Variants in TENM4 observed in about 807,000 individuals in gnomAD.
TENM4 encodes the protein teneurin transmembrane protein 4.
A neutral mutation model predicts 243.3 loss-of-function variants in TENM4; 82 were observed. That is an observed-to-expected ratio of 0.34 (90% confidence interval 0.28 to 0.40). TENM4 has a LOEUF of 0.40. Ranked by LOEUF, TENM4 falls within the 10% of genes least tolerant of loss-of-function variation. The pLI is 1.00. For synonymous variants in TENM4, 1,412 were observed against 1,456.3 expected (o/e 0.97, Z 0.69); for missense variants, 3,138 against 3,673.3 (o/e 0.85, Z 3.77).
At chr11:79,404,619 T>G (rs960905172) in intron 1 of TENM4, among the ~76,000 whole-genome samples, 2 of 152,206 alleles carry the variant, frequency 1.3e-5, no homozygotes, top group African/African-American at 4.8e-5. Flanking sequence ...TTCTGTGAAT[T>G]TTACCTCATT....
chr11:79,172,979 C>T (rs889715653), intron 3 of TENM4, among the ~76,000 whole-genome samples: 4 of 152,142 alleles, frequency 2.6e-5, no homozygotes, highest in African/African-American at 9.7e-5. Flanking sequence ...TCTTATAATC[C>T]ATTATTCAAG....
intron 2 of TENM4, among the ~76,000 whole-genome samples, chr11:79,250,530 C>T (rs1855592127): frequency 6.6e-6 from 1 of 152,236 alleles, no homozygotes; most frequent in African/African-American, 2.4e-5. Context: ...GCCAACCCCA[C>T]TGTTCTATGC....
At chr11:78,961,465 C>T (rs2136532351) in intron 6 of TENM4, among the ~76,000 whole-genome samples, 1 of 152,306 alleles carries the variant, frequency 6.6e-6, no homozygotes, top group Non-Finnish European at 1.5e-5. Flanking sequence ...CCATACCCCA[C>T]CTCCCACCTT....
rs60886884 is a variant in TENM4 at position 79,321,640 on chromosome 11, CAAAAAAAAAAAAA to C, written c.-320-24110_-320-24098del. ...ACTTTCTGCACAAGCAGGAAATTAC[CAAAAAAAAAAAAA>C]AAAAAAAAAAAGGGAGAGAGAACTT... On this transcript the variant is annotated intron_variant, in intron 1 of 33. Transcript: ENST00000278550. Among the ~76,000 whole-genome samples the C allele has an allele frequency of 6.1e-5, 5 of 82,216 alleles. No individual in the cohort carries two copies. The East Asian group carries it at 1.2e-3, about 20-fold the overall frequency. The allele number at this position is 82,216 out of a possible 152,430, so 53.9% of individuals were successfully genotyped here. A position where few individuals can be genotyped will look rare whatever the true frequency, so the allele number is the denominator to read the frequency against.
chr11:78,727,166 G>A (rs973258961), intron 22 of TENM4, among the ~76,000 whole-genome samples: 3 of 152,090 alleles, frequency 2.0e-5, no homozygotes, highest in South Asian at 2.1e-4. Context: ...AAGAAATTAC[G>A]GGTTGGGCGC....
At chr11:78,695,703 T>C (rs549216842) in intron 28 of TENM4, among the ~76,000 whole-genome samples, 1 of 152,086 alleles carries the variant, frequency 6.6e-6, no homozygotes, top group South Asian at 2.1e-4. Context: ...AGCACTTCTG[T>C]CTTCTGGCTT....
chr11:78,854,216 G>T lies in TENM4; in HGVS notation c.1569C>A (p.Pro523=), dbSNP rs1455694624. The change falls in exon 12 of 34, where the codon CCC becomes CCA. Residue 523 remains proline, a synonymous_variant. Transcript: ENST00000278550. The part of the protein sequence containing the change: ...TPRQSRGTVP[P]SSHETGFIQY... ...GGATGAAGCCTGTCTCATGGCTGGA[G>T]GGGGGCACAGTTCCCCGAGACTGGC... 2 of 1,551,572 alleles carry T rather than the reference G, an allele frequency of 1.3e-6. No individual in the cohort carries two copies. Among genetic ancestry groups the T allele is most frequent in the Admixed American group, 3.9e-5 (2 of 50,994 alleles).
At chr11:79,127,108 A>G (rs1861895752) in intron 4 of TENM4, among the ~76,000 whole-genome samples, 1 of 152,236 alleles carries the variant, frequency 6.6e-6, no homozygotes, top group African/African-American at 2.4e-5. Flanking sequence ...CATAATTGGC[A>G]TAGACAAACT....
chr11:79,360,855 A>G (rs1460070338), intron 1 of TENM4, among the ~76,000 whole-genome samples: 3 of 152,180 alleles, frequency 2.0e-5, no homozygotes, highest in Non-Finnish European at 4.4e-5. Flanking sequence ...ATATCAACCC[A>G]TCATGTCTCA....
In TENM4 at chr11:78,853,614, C is replaced by G. The variant is rs1858598720; in HGVS notation, c.1681+490G>C. On this transcript the variant is annotated intron_variant, in intron 12 of 33. Coordinates refer to ENST00000278550, the MANE Select transcript of TENM4 (RefSeq NM_001098816.3). Reference sequence around the variant, plus strand: ...CTGACTGATGGCATGGTTCATCCAGCCTTTTGCACTGCTGTTCTTACTCTC... The same window carrying G: ...CTGACTGATGGCATGGTTCATCCAGGCTTTTGCACTGCTGTTCTTACTCTC... Among the ~76,000 whole-genome samples the G allele has an allele frequency of 2.0e-5, 3 of 152,180 alleles. No individual in the cohort carries two copies. The South Asian group carries it at 6.2e-4, about 32-fold the overall frequency.
chr11:78,911,869 G>C (rs1856192775), intron 6 of TENM4, among the ~76,000 whole-genome samples: 1 of 152,206 alleles, frequency 6.6e-6, no homozygotes, highest in East Asian at 1.9e-4. Flanking sequence ...TAATGAACAA[G>C]ACACTTCTTT....
chr11:78,714,385 A>C lies in TENM4; in HGVS notation c.3822-1671T>G, dbSNP rs117592881. ...GTGTCCTTGGGGACTGGCTACCTCG[A>C]AAGGGGCCAGGCATCCAGATCCAAT... On this transcript the variant is annotated intron_variant, in intron 25 of 33. Transcript: ENST00000278550. Among the ~76,000 whole-genome samples, 135 of 141,840 alleles carry C rather than the reference A, an allele frequency of 9.5e-4. 1 individual carries two copies. The East Asian group carries it at 0.021, about 22-fold the overall frequency. The allele number at this position is 141,840 out of a possible 152,430, so 93.1% of individuals were successfully genotyped here. A position where few individuals can be genotyped will look rare whatever the true frequency, so the allele number is the denominator to read the frequency against.
At chr11:79,297,976 G>C (rs1418037508) in intron 1 of TENM4, among the ~76,000 whole-genome samples, 2 of 150,406 alleles carry the variant, frequency 1.3e-5, no homozygotes, top group East Asian at 3.9e-4. Flanking sequence ...ATTTTTCAGA[G>C]CAGAGGCTAT....
intron 9 of TENM4, among the ~76,000 whole-genome samples, chr11:78,869,941 G>T (rs1859081974): frequency 6.6e-6 from 1 of 152,146 alleles, no homozygotes; most frequent in African/African-American, 2.4e-5. Flanking sequence ...TATCCTGACT[G>T]CCTGACCAGC....
chr11:79,091,154 G>A (rs1041535379), intron 4 of TENM4, among the ~76,000 whole-genome samples: 3 of 152,150 alleles, frequency 2.0e-5, no homozygotes, highest in Admixed American at 1.3e-4. Flanking sequence ...CTTCCATTTC[G>A]AGTTTCATTT....
At chr11:78,745,620 A>C (rs1414819515) in intron 19 of TENM4, among the ~76,000 whole-genome samples, 1 of 152,194 alleles carries the variant, frequency 6.6e-6, no homozygotes, top group Non-Finnish European at 1.5e-5. Context: ...ACAGAGACCA[A>C]AGGAACAAAT....
At chr11:78,872,449 G>A (rs915750406) in intron 9 of TENM4, among the ~76,000 whole-genome samples, 2 of 152,152 alleles carry the variant, frequency 1.3e-5, no homozygotes, top group Non-Finnish European at 2.9e-5. Flanking sequence ...CCCTTTGGGT[G>A]GTACAACACG....
chr11:78,809,777 C>T (rs910437347), intron 14 of TENM4, among the ~76,000 whole-genome samples: 1 of 152,166 alleles, frequency 6.6e-6, no homozygotes, highest in African/African-American at 2.4e-5. Context: ...GCAGAGCTTG[C>T]CATTCAAGCC....
At chr11:79,421,647 A>G (rs1000925047) in intron 1 of TENM4, among the ~76,000 whole-genome samples, 10 of 152,118 alleles carry the variant, frequency 6.6e-5, no homozygotes, top group Non-Finnish European at 8.8e-5. Context: ...ACCAATAATT[A>G]AATAGGAGCT....
Sources: allele counts gnomAD v4.1 joint callset (sites outside exome capture counted in the v4.1 genomes callset), GRCh38; gene constraint gnomAD v4.1.1; transcripts MANE v1.5; gene names NCBI Gene and HGNC (gene_info 2026-07-23, HGNC 2026-07-21).